Variants in GRAMD1B observed in about 807,000 individuals in gnomAD.
The protein encoded by GRAMD1B is GRAM domain containing 1B, also known as protein Aster-B.
Under a neutral mutation model 99.7 loss-of-function variants are expected in GRAMD1B, and 37 were observed. That is an observed-to-expected ratio of 0.37 (90% confidence interval 0.29 to 0.49). GRAMD1B has a LOEUF of 0.49. Ranked by LOEUF, GRAMD1B falls within the 20% of genes least tolerant of loss-of-function variation. The probability of loss-of-function intolerance (pLI) is 0.98; values close to 1 mark genes in which losing one functional copy is unlikely to be tolerated. For missense variants in GRAMD1B, 888 were observed against 1,009.2 expected (o/e 0.88, Z 1.63); for synonymous variants, 427 against 387.6 (o/e 1.10, Z -1.19).
Position 123,393,955 on chromosome 11 carries a change from A to C in GRAMD1B, c.-176+35156A>C, listed in dbSNP as rs540243967. Among the ~76,000 whole-genome samples the C allele has an allele frequency of 1.8e-4, 27 of 152,162 alleles. 1 individual carries two copies. The East Asian group carries it at 3.1e-3, about 17-fold the overall frequency. ...CTCTCTTCAATTTCATTCTCTTTCC[A>C]CTGCAAATCCCTTACAACTGCCTGA... On this transcript the variant is annotated intron_variant, in intron 1 of 20. Coordinates refer to the GRAMD1B transcript ENST00000638157.
intron 1 of GRAMD1B, among the ~76,000 whole-genome samples, chr11:123,453,862 G>A (rs1157874254): frequency 6.6e-6 from 1 of 152,212 alleles, no homozygotes; most frequent in Non-Finnish European, 1.5e-5. Flanking sequence ...AGCATCTGAA[G>A]TCCCAGGTCG....
chr11:123,451,452 G>A (rs1011856394), intron 1 of GRAMD1B, among the ~76,000 whole-genome samples: 2 of 152,268 alleles, frequency 1.3e-5, no homozygotes, highest in South Asian at 4.1e-4. Flanking sequence ...TTAATTTAGG[G>A]CCCTTTCTTT....
At chr11:123,500,611 C>T (rs1406834130) in intron 2 of GRAMD1B, among the ~76,000 whole-genome samples, 1 of 151,892 alleles carries the variant, frequency 6.6e-6, no homozygotes, top group Admixed American at 6.6e-5. Flanking sequence ...TGTGGAGGAG[C>T]AATGTTTATG....
At chr11:123,438,433 G>A (rs1158371761) in intron 1 of GRAMD1B, among the ~76,000 whole-genome samples, 1 of 152,098 alleles carries the variant, frequency 6.6e-6, no homozygotes, top group Non-Finnish European at 1.5e-5. Context: ...GTGGACAGTC[G>A]GGAGGCCATT....
intron 7 of GRAMD1B, chr11:123,598,303 G>T: frequency 7.8e-7 from 1 of 1,277,220 alleles, no homozygotes; most frequent in Non-Finnish European, 1.1e-6. Flanking sequence ...TGGCCAAGTG[G>T]CAGGTTTTTG....
intron 2 of GRAMD1B, among the ~76,000 whole-genome samples, chr11:123,483,699 C>G (rs903725503): frequency 6.6e-6 from 1 of 152,052 alleles, no homozygotes; most frequent in Non-Finnish European, 1.5e-5. Context: ...ATCTTCTGAC[C>G]ACACTTGACT....
At chr11:123,573,590 CATCT>C (rs1948397576) in intron 2 of GRAMD1B, among the ~76,000 whole-genome samples, 1 of 152,198 alleles carries the variant, frequency 6.6e-6, no homozygotes, top group African/African-American at 2.4e-5. Flanking sequence ...GCCTCCCATC[CATCT>C]GTGTGACTTT....
intron 2 of GRAMD1B, among the ~76,000 whole-genome samples, chr11:123,520,261 A>G (rs2846304): frequency 0.15 from 22,158 of 152,162 alleles, 1,784 homozygotes; most frequent in Non-Finnish European, 0.2. Flanking sequence ...AATCAAACCA[A>G]CTTCATGTTC....
At chr11:123,495,728 G>A (rs1445934772) in intron 2 of GRAMD1B, among the ~76,000 whole-genome samples, 2 of 129,924 alleles carry the variant, frequency 1.5e-5, no homozygotes. Flanking sequence ...TGCATCGGTT[G>A]TGTGTTTTTT....
intron 1 of GRAMD1B, chr11:123,458,672 A>G (rs1009199266): frequency 2.0e-5 from 3 of 147,986 alleles, no homozygotes; most frequent in African/African-American, 7.6e-5. Context: ...TAGATAAGGA[A>G]ACAGTGAAAG....
At chr11:123,599,586 C>A (rs1951700472) in intron 7 of GRAMD1B, 2 of 401,646 alleles carry the variant, frequency 5.0e-6, no homozygotes, top group Non-Finnish European at 9.5e-6. Context: ...GATTCTTGTG[C>A]CTCAGCCTCC....
chr11:123,439,085 T>C (rs1591535836), intron 1 of GRAMD1B, among the ~76,000 whole-genome samples: 1 of 152,298 alleles, frequency 6.6e-6, no homozygotes, highest in South Asian at 2.1e-4. Context: ...CAAGGGGCTG[T>C]TGTGCCTGGT....
chr11:123,624,102 G>A lies in GRAMD1B; in HGVS notation c.*1507G>A, dbSNP rs1183585293. 6.6e-6 allele frequency: 1 copy of A among 152,144 alleles called. No individual in the cohort carries two copies. The highest frequency in any genetic ancestry group is 1.5e-5 in the Non-Finnish European group (1 of 68,038). 9.4% of individuals were successfully genotyped at this position (152,144 alleles called of 1,614,324 possible). On this transcript the variant is annotated 3_prime_UTR_variant, in exon 20 of 20. Coordinates refer to ENST00000635736, the MANE Select transcript of GRAMD1B (RefSeq NM_001387025.1). ...ACCAAAAGAGTCCCACCAGCTCCAG[G>A]CAGAGCTTGTGGAGATTCATGAAAG...
rs1955420863 is a variant in GRAMD1B, at chr11:123,625,037, T to C, written c.*2442T>C. ...AATCATGGATCTCTTGTAGGCTCTC[T>C]GTGTTCCAATAATTTTTTGACTATC... On this transcript the variant is annotated 3_prime_UTR_variant, in exon 20 of 20. Coordinates refer to ENST00000635736, the MANE Select transcript of GRAMD1B (RefSeq NM_001387025.1). The C allele has an allele frequency of 6.6e-6, 1 of 152,208 alleles. No homozygotes were observed. The highest frequency in any genetic ancestry group is 2.1e-4 in the South Asian group (1 of 4,830). 9.4% of individuals were successfully genotyped at this position (152,208 alleles called of 1,614,324 possible).
intron 2 of GRAMD1B, among the ~76,000 whole-genome samples, chr11:123,504,333 C>T (rs898888623): frequency 6.6e-6 from 1 of 152,218 alleles, no homozygotes; most frequent in African/African-American, 2.4e-5. Flanking sequence ...AGAGTCCTTT[C>T]TCTCTTCTCC....
chr11:123,423,944 C>T (rs540472312), intron 1 of GRAMD1B, among the ~76,000 whole-genome samples: 11 of 152,224 alleles, frequency 7.2e-5, no homozygotes, highest in South Asian at 6.2e-4. Flanking sequence ...ATGCAATAAA[C>T]GCCTCCTTTC....
intron 1 of GRAMD1B, among the ~76,000 whole-genome samples, chr11:123,475,671 T>C (rs1272914364): frequency 6.6e-6 from 1 of 152,222 alleles, no homozygotes; most frequent in Non-Finnish European, 1.5e-5. Context: ...GTTTAGAGTT[T>C]CTTTTTCAGG....
At chr11:123,618,484 C>T (rs1005960221) in intron 17 of GRAMD1B, 1 of 892,834 alleles carries the variant, frequency 1.1e-6, no homozygotes, top group Middle Eastern at 2.2e-4. Flanking sequence ...ATCCCATGCC[C>T]CTCTCCATGG....
At chr11:123,457,806 C>T (rs761788213) in intron 1 of GRAMD1B, among the ~76,000 whole-genome samples, 8 of 152,186 alleles carry the variant, frequency 5.3e-5, no homozygotes, top group African/African-American at 7.2e-5. Flanking sequence ...GCCACGACCT[C>T]CTGGGCTCAA....
Sources: gnomAD v4.1 joint callset for allele counts (sites outside exome capture counted in the v4.1 genomes callset) on GRCh38, gnomAD v4.1.1 for gene constraint, MANE v1.5 for transcripts, NCBI Gene and HGNC (gene_info 2026-07-23, HGNC 2026-07-21) for gene names.